SSPN: variants seen among roughly 807,000 people sequenced by gnomAD.
SSPN encodes sarcospan.
A neutral mutation model predicts 19.1 loss-of-function variants in SSPN; 15 were observed. The observed-to-expected ratio is 0.78, with a 90% CI of 0.52 to 1.21. The LOEUF (loss-of-function observed/expected upper bound fraction) is 1.21, where lower values mean the gene tolerates loss of function less well. Among genes scored for constraint, SSPN ranks in the 50% most tolerant of loss-of-function variants. The pLI, the probability that SSPN is intolerant of heterozygous loss-of-function variation, is 0.00. For synonymous variants in SSPN, 147 were observed against 140.3 expected (o/e 1.05, Z -0.34); for missense variants, 291 against 314.0 (o/e 0.93, Z 0.55).
intron 1 of SSPN, among the ~76,000 whole-genome samples, chr12:26,137,385 A>G (rs1190524732): frequency 6.6e-6 from 1 of 152,134 alleles, no homozygotes; most frequent in East Asian, 1.9e-4. Flanking sequence ...TCATTATGCC[A>G]GAAAGAGCAT....
intron 2 of SSPN, among the ~76,000 whole-genome samples, chr12:26,228,145 C>G (rs1375839886): frequency 6.6e-6 from 1 of 152,072 alleles, no homozygotes; most frequent in Admixed American, 6.5e-5. Flanking sequence ...CCTGTAATCT[C>G]AGCACTTTGG....
chr12:26,125,342 G>C (rs1262695267), intron 1 of SSPN: 1 of 231,108 alleles, frequency 4.3e-6, no homozygotes, highest in African/African-American at 2.3e-5. Flanking sequence ...TCCAAAATGC[G>C]ACTCCCTGGG....
intron 1 of SSPN, chr12:26,122,708 A>T: frequency 6.3e-7 from 1 of 1,579,646 alleles, no homozygotes; most frequent in Non-Finnish European, 8.6e-7. Context: ...CCTCCCCGGG[A>T]GGCTCCTGCT....
At chr12:26,186,176 A>T (rs562210219) in intron 1 of SSPN, among the ~76,000 whole-genome samples, 1 of 150,448 alleles carries the variant, frequency 6.6e-6, no homozygotes, top group South Asian at 2.1e-4. Context: ...ATGAGGGTAC[A>T]CCCCAAACAT....
At chr12:26,163,147 C>T (rs1297536590) in intron 1 of SSPN, among the ~76,000 whole-genome samples, 6 of 151,956 alleles carry the variant, frequency 3.9e-5, no homozygotes, top group Non-Finnish European at 8.8e-5. Context: ...ATGGCCACAG[C>T]TCACACCATG....
chr12:26,181,185 G>A (rs1306254871), intron 1 of SSPN: 1 of 152,050 alleles, frequency 6.6e-6, no homozygotes, highest in Admixed American at 6.6e-5. Context: ...CGATCTCTGT[G>A]GAAATCTTTT....
At chr12:26,176,070 C>G (rs948960070) in intron 1 of SSPN, among the ~76,000 whole-genome samples, 16 of 152,168 alleles carry the variant, frequency 1.1e-4, no homozygotes, top group Admixed American at 9.2e-4. Flanking sequence ...CCCTTGACCT[C>G]GAGCAATCTG....
At chr12:26,174,859 G>A (rs2137435947) in intron 1 of SSPN, among the ~76,000 whole-genome samples, 1 of 152,218 alleles carries the variant, frequency 6.6e-6, no homozygotes, top group East Asian at 1.9e-4. Context: ...TCTACTTTCT[G>A]CCTCTATAGA....
At chr12:26,125,908 C>G (rs1002716026) in intron 1 of SSPN, 5 of 152,416 alleles carry the variant, frequency 3.3e-5, no homozygotes, top group African/African-American at 1.2e-4. Context: ...TCTGAGCCTC[C>G]GGTGACGCTA....
At chr12:26,230,355 A>G (rs1436403686) in intron 2 of SSPN, among the ~76,000 whole-genome samples, 1 of 152,228 alleles carries the variant, frequency 6.6e-6, no homozygotes, top group African/African-American at 2.4e-5. Context: ...CTTGAGTTCA[A>G]AATAAGCACA....
chr12:26,137,171 G>GA (rs756225669), intron 1 of SSPN, among the ~76,000 whole-genome samples: 3 of 152,140 alleles, frequency 2.0e-5, no homozygotes, highest in Non-Finnish European at 4.4e-5. Context: ...TTCTGAAAAG[G>GA]AAAAAACTGC....
At chr12:26,122,907 C>A (rs746096185) in intron 1 of SSPN, 4 of 1,548,904 alleles carry the variant, frequency 2.6e-6, no homozygotes, top group Non-Finnish European at 3.5e-6. Context: ...GCGCTCCAGG[C>A]AGGGGGCGGC....
intron 1 of SSPN, among the ~76,000 whole-genome samples, chr12:26,164,174 T>C (rs1186086417): frequency 6.6e-6 from 1 of 152,218 alleles, no homozygotes; most frequent in Non-Finnish European, 1.5e-5. Context: ...AAAGAATTGA[T>C]CATTCTCGAG....
rs754298808 is a variant in SSPN at position 26,195,647 on chromosome 12, A to G, written c.-26A>G. 2.7e-5 allele frequency: 5 copies of G among 182,452 alleles called. No individual in the cohort carries two copies. The highest frequency in any genetic ancestry group is 1.4e-4 in the African/African-American group (3 of 21,094). The allele number at this position is 182,452 out of a possible 1,614,324, so 11.3% of individuals were successfully genotyped here. ...GGCCCAGGGCGCCGCACACGCACCC[A>G]CCCACCCACCCAGCCTCGCAGCGCC... On this transcript the variant is annotated 5_prime_UTR_variant, in exon 1 of 3. Coordinates refer to ENST00000242729, the MANE Select transcript of SSPN (RefSeq NM_005086.5).
intron 1 of SSPN, among the ~76,000 whole-genome samples, chr12:26,173,270 G>GCCTGACAC (rs1348367967): frequency 2.0e-5 from 3 of 152,146 alleles, no homozygotes; most frequent in Non-Finnish European, 2.9e-5. Flanking sequence ...TGTCAGGGTG[G>GCCTGACAC]CCTGTAAGGG....
chr12:26,137,636 G>GTATGTATATATATATATATATATATATA (rs1555175654), intron 1 of SSPN, among the ~76,000 whole-genome samples: 5 of 31,376 alleles, frequency 1.6e-4, no homozygotes, highest in South Asian at 2.3e-3. Context: ...GTGTGTGTAT[G>GTATGTATATATATATATATATATATATA]TATATATATA....
chr12:26,130,910 TG>T (rs1944394061), intron 1 of SSPN, among the ~76,000 whole-genome samples: 1 of 151,830 alleles, frequency 6.6e-6, no homozygotes. Context: ...TTTTTTTTTT[TG>T]CAAGCTCCAC....
intron 1 of SSPN, chr12:26,126,337 GA>G (rs1944364522): frequency 6.6e-6 from 1 of 152,186 alleles, no homozygotes; most frequent in African/African-American, 2.4e-5. Context: ...TATTTCTCTA[GA>G]TATACATAAA....
intron 1 of SSPN, chr12:26,122,575 C>G: frequency 9.0e-7 from 1 of 1,107,126 alleles, no homozygotes; most frequent in Non-Finnish European, 1.1e-6. Context: ...CTCAGCAGCG[C>G]GGCCGCGGCG....
Sources: allele counts gnomAD v4.1 joint callset (sites outside exome capture counted in the v4.1 genomes callset), GRCh38; gene constraint gnomAD v4.1.1; transcripts MANE v1.5; gene names NCBI Gene and HGNC (gene_info 2026-07-23, HGNC 2026-07-21).